ANTXR1: variants seen among roughly 807,000 people sequenced by gnomAD.
ANTXR1 encodes the protein anthrax toxin receptor 1.
Under a neutral mutation model 78.1 loss-of-function variants are expected in ANTXR1, and 19 were observed. The ratio of observed to expected loss-of-function variants is 0.24; its 90% CI spans 0.17 to 0.36. The LOEUF (loss-of-function observed/expected upper bound fraction) is 0.36, where lower values mean the gene tolerates loss of function less well. Among genes scored for constraint, ANTXR1 ranks in the 10% least tolerant of loss-of-function variants. ANTXR1 has a pLI of 1.00. For missense variants in ANTXR1, 518 were observed against 718.6 expected (o/e 0.72, Z 3.19); for synonymous variants, 273 against 260.5 (o/e 1.05, Z -0.46).
At chr2:69,070,029 C>G (rs1670520500) in intron 3 of ANTXR1, among the ~76,000 whole-genome samples, 1 of 152,318 alleles carries the variant, frequency 6.6e-6, no homozygotes, top group Admixed American at 6.5e-5. Flanking sequence ...ATTTGGCCCC[C>G]AAGTCATTTA....
At chr2:69,145,672 A>G (rs1376566169) in intron 12 of ANTXR1, 1 of 1,160,010 alleles carries the variant, frequency 8.6e-7, no homozygotes, top group Non-Finnish European at 1.1e-6. Flanking sequence ...TTTGAGGTGG[A>G]GGATTTCACA....
intron 17 of ANTXR1, among the ~76,000 whole-genome samples, chr2:69,212,552 G>C (rs1675068194): frequency 6.6e-6 from 1 of 152,148 alleles, no homozygotes; most frequent in Non-Finnish European, 1.5e-5. Context: ...TATGCTTTAT[G>C]ATAAAATAGA....
intron 3 of ANTXR1, among the ~76,000 whole-genome samples, chr2:69,065,107 A>G (rs1248027750): frequency 6.6e-6 from 1 of 152,226 alleles, no homozygotes; most frequent in Non-Finnish European, 1.5e-5. Context: ...TTTTAAAAGA[A>G]TAAATTGATA....
intron 12 of ANTXR1, among the ~76,000 whole-genome samples, chr2:69,145,088 TGA>T (rs1379919320): frequency 7.9e-5 from 12 of 152,166 alleles, no homozygotes; most frequent in Non-Finnish European, 1.8e-4. Flanking sequence ...AGATTTTGGC[TGA>T]GTGTGGCAGC....
At chr2:69,110,438 G>A (rs1278943895) in intron 10 of ANTXR1, among the ~76,000 whole-genome samples, 1 of 152,156 alleles carries the variant, frequency 6.6e-6, no homozygotes, top group African/African-American at 2.4e-5. Flanking sequence ...CTAAATGTCT[G>A]ACAATAGGTA....
At chr2:69,086,570 A>G (rs1456747290) in intron 8 of ANTXR1, among the ~76,000 whole-genome samples, 3 of 152,220 alleles carry the variant, frequency 2.0e-5, no homozygotes, top group African/African-American at 7.2e-5. Context: ...AATCTGTCCA[A>G]AAGTTGGCAG....
chr2:69,040,469 A>G (rs1669581580), intron 2 of ANTXR1, among the ~76,000 whole-genome samples: 2 of 152,136 alleles, frequency 1.3e-5, no homozygotes, highest in African/African-American at 4.8e-5. Context: ...TAGGGTGTAC[A>G]GTGTGTAGGA....
At chr2:69,063,121 A>C (rs1226446272) in intron 3 of ANTXR1, among the ~76,000 whole-genome samples, 1 of 152,168 alleles carries the variant, frequency 6.6e-6, no homozygotes, top group Non-Finnish European at 1.5e-5. Flanking sequence ...AGTGATCTAT[A>C]CTACTTGATA....
Position 69,188,034 on chromosome 2 carries a change from CAAAAAAAAAAAAAAA to C in ANTXR1, c.1354-5288_1354-5274del, listed in dbSNP as rs34500820. ...AAGAAAAGATACAACTGCTGCCTGGCAAAAAAAAAAAAAAAAAAAAAAAAAAAGAGGAAACCCCAC... is the reference window on the plus strand; with the variant it reads ...AAGAAAAGATACAACTGCTGCCTGGCAAAAAAAAAAAAGAGGAAACCCCAC... On this transcript the variant is annotated intron_variant, in intron 16 of 17. Transcript: ENST00000303714. Among the ~76,000 whole-genome samples the C allele has an allele frequency of 4.4e-5, 4 of 90,784 alleles. No homozygotes were observed. The East Asian group carries it at 7.8e-4, about 18-fold the overall frequency. The allele number at this position is 90,784 out of a possible 152,430, so 59.6% of individuals were successfully genotyped here. A position where few individuals can be genotyped will look rare whatever the true frequency, so the allele number is the denominator to read the frequency against.
intron 2 of ANTXR1, among the ~76,000 whole-genome samples, chr2:69,043,192 G>A (rs1333702009): frequency 2.0e-5 from 3 of 152,116 alleles, no homozygotes; most frequent in Non-Finnish European, 4.4e-5. Context: ...TTGACTTCAA[G>A]CCCCAGGTCT....
intron 17 of ANTXR1, among the ~76,000 whole-genome samples, chr2:69,224,568 C>A (rs561398862): frequency 6.6e-6 from 1 of 152,242 alleles, no homozygotes; most frequent in African/African-American, 2.4e-5. Context: ...GCATTCCATT[C>A]CATCCCTAGG....
Position 69,013,722 on chromosome 2 carries a change from CG to C in ANTXR1, c.152+72del. ...AAACGCTTTCGCCCCGGGCCGGGCT[CG>C]TTGGCAGGGTCGCCTGGGGACAGGA... On this transcript the variant is annotated intron_variant, in intron 1 of 17. Transcript: ENST00000303714. This position sits in a 1 kb window ranked among gnomAD's most constrained non-coding sequence, Gnocchi z 5.0. 1 of 1,550,348 alleles carries C rather than the reference CG, an allele frequency of 6.5e-7. No individual in the cohort carries two copies. The highest frequency in any genetic ancestry group is 8.7e-7 in the Non-Finnish European group (1 of 1,146,230).
In ANTXR1 at chr2:69,032,757, T is replaced by TTG. The variant is rs138530675; in HGVS notation, c.153-7272_153-7271dup. On this transcript the variant is annotated intron_variant, in intron 1 of 17. Transcript: ENST00000303714. ...TTAGGGTTCTCCTGGTGTACATGTG[T>TTG]TGTGTGTGTGTGTGTGCATGTGCCT... Among the ~76,000 whole-genome samples the TTG allele has an allele frequency of 2.2e-3, 326 of 151,366 alleles. 3 individuals are homozygous for TTG. Among genetic ancestry groups the TTG allele is most frequent in the South Asian group, 0.019 (91 of 4,782 alleles).
intron 12 of ANTXR1, among the ~76,000 whole-genome samples, chr2:69,139,852 A>T (rs931741277): frequency 6.6e-6 from 1 of 152,240 alleles, no homozygotes; most frequent in Admixed American, 6.5e-5. Context: ...CACTATATTT[A>T]GTAAAACAAA....
At chr2:69,115,460 T>C (rs1186897451) in intron 10 of ANTXR1, among the ~76,000 whole-genome samples, 2 of 152,220 alleles carry the variant, frequency 1.3e-5, no homozygotes, top group African/African-American at 4.8e-5. Context: ...AAATGATATC[T>C]TCTCAATAAA....
chr2:69,160,585 A>G (rs1673655270), intron 13 of ANTXR1, among the ~76,000 whole-genome samples: 1 of 152,174 alleles, frequency 6.6e-6, no homozygotes, highest in Non-Finnish European at 1.5e-5. Flanking sequence ...ATATGATACA[A>G]GTACTCAGGG....
At chr2:69,172,729 A>C (rs1674028741) in intron 14 of ANTXR1, among the ~76,000 whole-genome samples, 1 of 152,220 alleles carries the variant, frequency 6.6e-6, no homozygotes, top group Non-Finnish European at 1.5e-5. Flanking sequence ...GAAAATATAA[A>C]AATTCAGAAT....
intron 16 of ANTXR1, among the ~76,000 whole-genome samples, chr2:69,190,792 T>C (rs1674526643): frequency 6.6e-6 from 1 of 152,154 alleles, no homozygotes; most frequent in Non-Finnish European, 1.5e-5. Context: ...CCTGGTATTA[T>C]ACATCTAGGT....
chr2:69,149,818 A>G (rs997862124), intron 12 of ANTXR1, among the ~76,000 whole-genome samples: 4 of 152,238 alleles, frequency 2.6e-5, no homozygotes, highest in African/African-American at 9.6e-5. Flanking sequence ...TGAGAGATTA[A>G]GAGGGTTGTC....
Sources: gnomAD v4.1 joint callset for allele counts (sites outside exome capture counted in the v4.1 genomes callset) on GRCh38, gnomAD v4.1.1 for gene constraint, Gnocchi (gnomAD v3.1) non-coding constraint, MANE v1.5 for transcripts, NCBI Gene and HGNC (gene_info 2026-07-23, HGNC 2026-07-21) for gene names.